The following GRM7 variants were observed in gnomAD, a reference collection of about 807,000 sequenced individuals.
GRM7 encodes the protein glutamate metabotropic receptor 7.
Under a neutral mutation model 84.5 loss-of-function variants are expected in GRM7, and 35 were observed. That is an observed-to-expected ratio of 0.41 (90% CI 0.32 to 0.55). The LOEUF (loss-of-function observed/expected upper bound fraction) is 0.55, where lower values mean the gene tolerates loss of function less well. Among genes scored for constraint, GRM7 ranks in the 20% least tolerant of loss-of-function variants. The pLI is 0.19. For missense variants in GRM7, 1,003 were observed against 1,194.6 expected (o/e 0.84, Z 2.36); for synonymous variants, 487 against 455.1 (o/e 1.07, Z -0.89).
At chr3:7,375,615 A>C (rs1022631111) in intron 4 of GRM7, among the ~76,000 whole-genome samples, 5 of 151,012 alleles carry the variant, frequency 3.3e-5, no homozygotes, top group African/African-American at 4.9e-5. Flanking sequence ...GCTCTTTCTC[A>C]CCTCCATGGG....
intron 8 of GRM7, among the ~76,000 whole-genome samples, chr3:7,642,471 T>C (rs973760635): frequency 9.9e-5 from 15 of 152,098 alleles, no homozygotes; most frequent in African/African-American, 3.6e-4. Context: ...TTTGAGTGGG[T>C]TCCTGCTTTC....
intron 9 of GRM7, among the ~76,000 whole-genome samples, chr3:7,707,705 A>G (rs1701432768): frequency 6.6e-6 from 1 of 152,184 alleles, no homozygotes; most frequent in African/African-American, 2.4e-5. Context: ...ATGCCTCCAA[A>G]ACAGCCCCAG....
intron 2 of GRM7, among the ~76,000 whole-genome samples, chr3:7,182,629 C>T (rs1346003066): frequency 2.0e-5 from 3 of 152,144 alleles, no homozygotes; most frequent in African/African-American, 4.8e-5. Context: ...TTTATTTCTT[C>T]TCCCAAGTCT....
chr3:6,929,479 A>G (rs1480229047), intron 1 of GRM7, among the ~76,000 whole-genome samples: 1 of 152,216 alleles, frequency 6.6e-6, no homozygotes, highest in East Asian at 1.9e-4. Context: ...AAGATGATAC[A>G]GTAGCAGACT....
chr3:7,077,309 G>T (rs576498015), intron 1 of GRM7, among the ~76,000 whole-genome samples: 8 of 152,152 alleles, frequency 5.3e-5, no homozygotes, highest in African/African-American at 1.9e-4. Context: ...AATAGCAAAG[G>T]CTTGGAACCA....
chr3:7,579,182 C>T lies in GRM7; in HGVS notation c.2276C>T (p.Ser759Phe). Residue 759 changes from serine to phenylalanine, a missense_variant, in exon 8 of 10, where the codon TCC becomes TTC. Physicochemically the swap from Ser to Phe is radical, Grantham distance 155. Around this residue, in one of 2 missense-constraint regions of GRM7, gnomAD observed 910 missense variants for 1,126.0 expected, o/e 0.81. Coordinates refer to ENST00000357716, the MANE Select transcript of GRM7 (RefSeq NM_000844.4). ...ATTACAGATCTCCAAATCATTTGCT[C>T]CTTGGGATATAGCATTCTTCTCATG... The part of the protein sequence containing the change: ...CDITDLQIIC[S>F]LGYSILLMVT... 1 of 1,613,938 alleles carries T rather than the reference C, an allele frequency of 6.2e-7. No homozygotes were observed.
chr3:6,920,338 T>C (rs1697081704), intron 1 of GRM7, among the ~76,000 whole-genome samples: 1 of 152,020 alleles, frequency 6.6e-6, no homozygotes, highest in African/African-American at 2.4e-5. Flanking sequence ...GAGGATTACT[T>C]GAGGTCATGA....
At chr3:7,551,224 A>T (rs1009842677) in intron 7 of GRM7, among the ~76,000 whole-genome samples, 15 of 152,174 alleles carry the variant, frequency 9.9e-5, no homozygotes, top group Admixed American at 2.6e-4. Context: ...TCTGCTCAGG[A>T]TAATAAAAAT....
rs191303868 is a variant in GRM7, at chr3:7,259,349, G to A, written c.737-39335G>A. On this transcript the variant is annotated intron_variant, in intron 2 of 9. Coordinates refer to ENST00000357716, the MANE Select transcript of GRM7 (RefSeq NM_000844.4). ...TGCTATATAGGTAAATTCATGTCAT[G>A]GGAGTTTATTGTAAAGATTATTTCA... Among the ~76,000 whole-genome samples, 328 of 152,278 alleles carry A rather than the reference G, an allele frequency of 2.2e-3. 1 individual carries two copies. Among genetic ancestry groups the A allele is most frequent in the Non-Finnish European group, 3.0e-3 (201 of 68,014 alleles).
At chr3:7,522,271 C>T (rs1144018) in intron 7 of GRM7, among the ~76,000 whole-genome samples, 93,342 of 151,888 alleles carry the variant, frequency 0.61, 29,732 homozygotes, top group African/African-American at 0.79. Context: ...TAAGTACAAA[C>T]GCAATCAACT....
At chr3:7,276,207 ATGTGTGTGTGTGTGTG>A (rs923161861) in intron 2 of GRM7, among the ~76,000 whole-genome samples, 1 of 96,666 alleles carries the variant, frequency 1.0e-5, no homozygotes, top group Non-Finnish European at 2.1e-5. Context: ...ATATATATAT[ATGTGTGTGTGTGTGTG>A]TGTGTGTGTG....
chr3:7,642,670 G>C (rs371042347), intron 8 of GRM7, among the ~76,000 whole-genome samples: 2 of 152,184 alleles, frequency 1.3e-5, no homozygotes, highest in East Asian at 3.9e-4. Flanking sequence ...AGTACTTTTG[G>C]GGTAATCCAG....
intron 1 of GRM7, among the ~76,000 whole-genome samples, chr3:6,903,919 C>A (rs1026594522): frequency 2.0e-5 from 3 of 152,136 alleles, no homozygotes; most frequent in Non-Finnish European, 2.9e-5. Context: ...ATTTTCCCAT[C>A]TGTGAATTGC....
At chr3:7,483,314 T>C (rs1354599998) in intron 7 of GRM7, among the ~76,000 whole-genome samples, 1 of 152,220 alleles carries the variant, frequency 6.6e-6, no homozygotes, top group African/African-American at 2.4e-5. Flanking sequence ...ATACTTTGGA[T>C]TGGAAGGCCA....
At chr3:7,499,936 G>A (rs1048173376) in intron 7 of GRM7, among the ~76,000 whole-genome samples, 2 of 152,000 alleles carry the variant, frequency 1.3e-5, no homozygotes, top group Non-Finnish European at 2.9e-5. Context: ...CACCACGCCC[G>A]GCTAATTTTT....
intron 8 of GRM7, among the ~76,000 whole-genome samples, chr3:7,648,550 G>A (rs1335528818): frequency 6.6e-6 from 1 of 151,958 alleles, no homozygotes; most frequent in Non-Finnish European, 1.5e-5. Context: ...TCAGGAGGCT[G>A]AGGCAGGAGA....
chr3:7,720,249 T>C (rs376908808), intron 9 of GRM7, among the ~76,000 whole-genome samples: 1 of 152,164 alleles, frequency 6.6e-6, no homozygotes, highest in East Asian at 1.9e-4. Flanking sequence ...CCTCTCACAT[T>C]GTGACCTGGG....
At chr3:7,697,238 T>C (rs1701055377) in intron 9 of GRM7, among the ~76,000 whole-genome samples, 1 of 152,220 alleles carries the variant, frequency 6.6e-6, no homozygotes, top group African/African-American at 2.4e-5. Context: ...AATTACATCA[T>C]CATCAATTAA....
At chr3:7,146,871 T>C (rs532220143) in intron 2 of GRM7, among the ~76,000 whole-genome samples, 1 of 152,198 alleles carries the variant, frequency 6.6e-6, no homozygotes, top group Non-Finnish European at 1.5e-5. Flanking sequence ...CCTTGAGTAC[T>C]AATAGAATAA....
Sources: allele counts gnomAD v4.1 joint callset (sites outside exome capture counted in the v4.1 genomes callset), GRCh38; gene constraint gnomAD v4.1.1; regional missense constraint gnomAD v4.1.1; transcripts MANE v1.5; gene names NCBI Gene and HGNC (gene_info 2026-07-23, HGNC 2026-07-21).